TOMM7: variants seen among roughly 807,000 people sequenced by gnomAD.
The protein encoded by TOMM7 is mitochondrial import receptor subunit TOM7 homolog.
Under a neutral mutation model 9.5 loss-of-function variants are expected in TOMM7, and 8 were observed. The ratio of observed to expected loss-of-function variants is 0.84; its 90% CI spans 0.49 to 1.51. TOMM7 has a LOEUF of 1.51. Ranked by LOEUF, TOMM7 falls within the 40% of genes most tolerant of loss-of-function variation. The pLI is 0.00. For missense variants in TOMM7, 74 were observed against 63.7 expected (o/e 1.16, Z -0.55); for synonymous variants, 27 against 21.4 (o/e 1.26, Z -0.72).
chr7:22,822,826 C>T lies in TOMM7; in HGVS notation c.-47G>A, dbSNP rs1355764818. On this transcript the variant is annotated 5_prime_UTR_variant, in exon 1 of 3. Coordinates refer to ENST00000358435, the MANE Select transcript of TOMM7 (RefSeq NM_019059.5). ...GGAGGACCCCTTACAGCAACCACAG[C>T]GTCGGGAATCCGAAAGGGAAAGGAG... 2.7e-6 allele frequency: 4 copies of T among 1,507,074 alleles called. 1 individual carries two copies. The highest frequency in any genetic ancestry group is 2.3e-5 in the South Asian group (2 of 88,864). 93.4% of individuals were successfully genotyped at this position (1,507,074 alleles called of 1,614,324 possible). A position where few individuals can be genotyped will look rare whatever the true frequency, so the allele number is the denominator to read the frequency against.
rs1782411006 is a variant in TOMM7 at position 22,822,704 on chromosome 7, C to T, written c.76G>A (p.Gly26Ser). The T allele has an allele frequency of 6.2e-7, 1 of 1,614,056 alleles. No homozygotes were observed. Among genetic ancestry groups the T allele is most frequent in the African/African-American group, 1.3e-5 (1 of 74,914 alleles). The change falls in exon 1 of 3, where the codon GGC (glycine) becomes AGC (serine). Residue 26 changes from glycine (G) to serine (S), a missense_variant. Physicochemically the swap from Gly to Ser is moderately conservative, Grantham distance 56. Coordinates refer to ENST00000358435, the MANE Select transcript of TOMM7 (RefSeq NM_019059.5). ...AGGTAAATCACAAGAGGGATAAAGC[C>T]CCAGCGAATGGCAAACTGGCTCCCC... ...FKGSQFAIRWGFIPLVIYLGF... is the reference protein window; with the variant it reads ...FKGSQFAIRWSFIPLVIYLGF...
chr7:22,822,384 C>A, intron 1 of TOMM7: 3 of 1,147,238 alleles, frequency 2.6e-6, no homozygotes, highest in Non-Finnish European at 3.6e-6. Context: ...ACTTTCACAT[C>A]CACTGGGGTC....
chr7:22,814,452 A>G (rs944627508), intron 2 of TOMM7, among the ~76,000 whole-genome samples: 1 of 151,320 alleles, frequency 6.6e-6, no homozygotes, highest in African/African-American at 2.4e-5. Context: ...TCAGGAGGTC[A>G]AGGCTGCAGT....
chr7:22,816,841 C>T (rs757652992), intron 2 of TOMM7, among the ~76,000 whole-genome samples: 2 of 152,122 alleles, frequency 1.3e-5, no homozygotes, highest in Admixed American at 1.3e-4. Context: ...GAACATATTC[C>T]ACCACCTACT....
intron 1 of TOMM7, among the ~76,000 whole-genome samples, chr7:22,821,892 T>A (rs1782396968): frequency 6.6e-6 from 1 of 152,000 alleles, no homozygotes; most frequent in Non-Finnish European, 1.5e-5. Context: ...CCCAGCTACT[T>A]GGGAGACTGA....
chr7:22,813,282 G>T, intron 2 of TOMM7, 97 bp from the exon 3 acceptor site: 1 of 1,073,242 alleles, frequency 9.3e-7, no homozygotes, highest in Non-Finnish European at 1.4e-6. Flanking sequence ...ATTTATGTTT[G>T]TTTCCTCATC....
intron 1 of TOMM7, among the ~76,000 whole-genome samples, chr7:22,819,292 C>A (rs1318654374): frequency 6.6e-6 from 1 of 151,732 alleles, no homozygotes; most frequent in African/African-American, 2.4e-5. Flanking sequence ...AAAAAAAAAT[C>A]TTCTGTGACT....
chr7:22,815,026 G>A (rs535482961), intron 2 of TOMM7, among the ~76,000 whole-genome samples: 47 of 152,242 alleles, frequency 3.1e-4, no homozygotes, highest in Middle Eastern at 3.4e-3. Context: ...ATGAAATTCC[G>A]TAACTGAGTA....
In TOMM7 at chr7:22,813,198, T is replaced by C; in HGVS notation, c.153-13A>G. On this transcript the variant is annotated splice_polypyrimidine_tract_variant and intron_variant, in intron 2 of 2. Transcript: ENST00000358435. ...TCCCCAAAGTAGGCTAAAATGTTTG[T>C]GAAGAGAAGAAAGAAATTAAATTCC... The C allele has an allele frequency of 6.2e-7, 1 of 1,609,500 alleles. No individual in the cohort carries two copies. Among genetic ancestry groups the C allele is most frequent in the South Asian group, 1.1e-5 (1 of 89,904 alleles).
At chr7:22,822,120 T>G in intron 1 of TOMM7, 1 of 1,548,014 alleles carries the variant, frequency 6.5e-7, no homozygotes, top group Admixed American at 2.0e-5. Context: ...TGTGCGACCT[T>G]GGCAAAAAAG....
intron 2 of TOMM7, among the ~76,000 whole-genome samples, chr7:22,815,823 T>TA (rs1002062431): frequency 1.8e-4 from 27 of 147,908 alleles, no homozygotes; most frequent in Admixed American, 6.7e-4. Context: ...CTATAAAAAT[T>TA]AAAAAAAAAA....
intron 2 of TOMM7, chr7:22,817,387 G>C (rs1015861727): frequency 6.4e-6 from 1 of 155,892 alleles, no homozygotes; most frequent in African/African-American, 2.4e-5. Context: ...TAAAAGCTAT[G>C]TACACACAAA....
chr7:22,820,589 G>A (rs1048037765), intron 1 of TOMM7, among the ~76,000 whole-genome samples: 7 of 152,166 alleles, frequency 4.6e-5, no homozygotes, highest in Non-Finnish European at 8.8e-5. Flanking sequence ...AAAAAAGGTG[G>A]CACAAAGAAG....
At chr7:22,821,495 C>T (rs1049470634) in intron 1 of TOMM7, among the ~76,000 whole-genome samples, 14 of 151,762 alleles carry the variant, frequency 9.2e-5, no homozygotes, top group Non-Finnish European at 1.5e-4. Flanking sequence ...AGGCCGCGCG[C>T]GGGGCGGAGG....
At chr7:22,822,573 A>G (rs2270106) in intron 1 of TOMM7, 104 bp downstream of exon 1, 608,499 of 974,990 alleles carry the variant, frequency 0.62, 193,595 homozygotes, top group African/African-American at 0.84. Flanking sequence ...CGTGCACGGC[A>G]GTGTCCCCTA....
intron 1 of TOMM7, among the ~76,000 whole-genome samples, chr7:22,819,778 T>A (rs1039690904): frequency 9.9e-5 from 15 of 152,160 alleles, no homozygotes; most frequent in African/African-American, 3.4e-4. Context: ...AAAGATAATA[T>A]GGAACAAAGG....
intron 1 of TOMM7, among the ~76,000 whole-genome samples, chr7:22,818,577 C>T (rs529012064): frequency 1.8e-4 from 27 of 151,728 alleles, no homozygotes; most frequent in Admixed American, 1.3e-3. Context: ...CATCATGCCC[C>T]GACGAAAACA....
At chr7:22,818,952 T>C (rs1403967868) in intron 1 of TOMM7, among the ~76,000 whole-genome samples, 2 of 151,688 alleles carry the variant, frequency 1.3e-5, no homozygotes, top group East Asian at 1.9e-4. Context: ...ACTGAGGATA[T>C]TTTATCCCCC....
In TOMM7 at chr7:22,818,164, C is replaced by T; in HGVS notation, c.104-116G>A. On this transcript the variant is annotated intron_variant, in intron 1 of 2. Coordinates refer to ENST00000358435, the MANE Select transcript of TOMM7 (RefSeq NM_019059.5). The stretch of plus-strand genomic sequence containing the variant: ...CAACCTAGGATAGTTAGAATGATAT[C>T]TAGACCAACCAGTACTATCTAAATT... The T allele has an allele frequency of 7.9e-6, 7 of 889,624 alleles. No individual in the cohort carries two copies. The South Asian group carries it at 1.0e-4, about 13-fold the overall frequency. The allele number at this position is 889,624 out of a possible 1,614,324, so 55.1% of individuals were successfully genotyped here.
Sources: gnomAD v4.1 joint callset for allele counts (sites outside exome capture counted in the v4.1 genomes callset) on GRCh38, gnomAD v4.1.1 for gene constraint, MANE v1.5 for transcripts, NCBI Gene and HGNC (gene_info 2026-07-23, HGNC 2026-07-21) for gene names.